Variants in CAMK2D observed in about 807,000 individuals in gnomAD.
CAMK2D encodes calcium/calmodulin dependent protein kinase II delta.
In CAMK2D, 37 loss-of-function variants were observed where a neutral mutation model predicts 84.0. That is an observed-to-expected ratio of 0.44 (90% CI 0.34 to 0.58). The LOEUF (loss-of-function observed/expected upper bound fraction) is 0.58, where lower values mean the gene tolerates loss of function less well. CAMK2D is among the 20% of genes least tolerant of loss of function. The probability of loss-of-function intolerance (pLI) is 0.02; values close to 1 mark genes in which losing one functional copy is unlikely to be tolerated. For synonymous variants in CAMK2D, 202 were observed against 212.5 expected (o/e 0.95, Z 0.43); for missense variants, 448 against 652.5 (o/e 0.69, Z 3.41).
intron 2 of CAMK2D, among the ~76,000 whole-genome samples, chr4:113,741,416 T>C (rs941055880): frequency 1.3e-5 from 2 of 152,186 alleles, no homozygotes; most frequent in African/African-American, 4.8e-5. Flanking sequence ...TTATAATTGT[T>C]CTATTTTATT....
chr4:113,692,657 T>C (rs911838779), intron 2 of CAMK2D, among the ~76,000 whole-genome samples: 13 of 151,992 alleles, frequency 8.6e-5, no homozygotes, highest in Non-Finnish European at 1.2e-4. Context: ...CATATATACA[T>C]ACATATATTC....
Position 113,533,069 on chromosome 4 carries a change from C to T in CAMK2D, c.518-1770G>A, listed in dbSNP as rs183588419. 7.8e-4 allele frequency among the ~76,000 whole-genome samples: 118 copies of T among 151,848 alleles called. 1 individual carries two copies. The highest frequency in any genetic ancestry group is 2.8e-3 in the African/African-American group (114 of 41,422). ...AACTTAGAATACATGGCCAGAAGTA[C>T]GAAATGTTAACAATACCTCTCCTAA... is the stretch of plus-strand genomic sequence containing the variant. On this transcript the variant is annotated intron_variant, in intron 7 of 20. Transcript: ENST00000511664.
chr4:113,713,582 GCCAAT>G (rs1032379335), intron 2 of CAMK2D, among the ~76,000 whole-genome samples: 2 of 149,442 alleles, frequency 1.3e-5, no homozygotes, highest in African/African-American at 4.9e-5. Flanking sequence ...GCCAGTAGCT[GCCAAT>G]CTAATGGATG....
Position 113,664,059 on chromosome 4 carries a change from G to A in CAMK2D, c.161-2287C>T, listed in dbSNP as rs150598314. On this transcript the variant is annotated intron_variant, in intron 2 of 20. Transcript: ENST00000511664. Reference sequence around the variant, plus strand: ...CTGACACACACAGAAGGAAGATCACGTGAAGAGACGAGGATAAGACAGGCA... The same window carrying A: ...CTGACACACACAGAAGGAAGATCACATGAAGAGACGAGGATAAGACAGGCA... 1.1e-3 allele frequency among the ~76,000 whole-genome samples: 166 copies of A among 152,284 alleles called. 2 individuals are homozygous for A. Among genetic ancestry groups the A allele is most frequent in the African/African-American group, 3.8e-3 (157 of 41,562 alleles).
chr4:113,734,932 A>G (rs2099577439), intron 2 of CAMK2D, among the ~76,000 whole-genome samples: 1 of 151,708 alleles, frequency 6.6e-6, no homozygotes, highest in African/African-American at 2.4e-5. Flanking sequence ...ATCAACCCAA[A>G]TGATCTAAAA....
intron 2 of CAMK2D, among the ~76,000 whole-genome samples, chr4:113,691,439 T>C (rs1189084810): frequency 6.6e-6 from 1 of 152,210 alleles, no homozygotes; most frequent in Non-Finnish European, 1.5e-5. Flanking sequence ...ATCATTCTAC[T>C]GATATATCTA....
At chr4:113,533,999 C>T (rs191559018) in intron 7 of CAMK2D, among the ~76,000 whole-genome samples, 44 of 151,666 alleles carry the variant, frequency 2.9e-4, no homozygotes, top group East Asian at 1.2e-3. Flanking sequence ...TAATGGACCT[C>T]GTATATTTAT....
intron 3 of CAMK2D, among the ~76,000 whole-genome samples, chr4:113,626,938 A>T (rs141032456): frequency 1.3e-5 from 2 of 152,320 alleles, no homozygotes; most frequent in Non-Finnish European, 2.9e-5. Flanking sequence ...GGGAATTCAG[A>T]CACAAATTCA....
intron 2 of CAMK2D, chr4:113,677,698 G>T (rs1456092976): frequency 1.2e-5 from 2 of 167,074 alleles, no homozygotes; most frequent in East Asian, 3.8e-4. Flanking sequence ...TGACAAAAAT[G>T]GGATTATTTA....
At chr4:113,506,839 T>C (rs2098133568) in intron 13 of CAMK2D, among the ~76,000 whole-genome samples, 1 of 152,124 alleles carries the variant, frequency 6.6e-6, no homozygotes, top group African/African-American at 2.4e-5. Flanking sequence ...TTAGTGAAAA[T>C]GTCCCACTTG....
rs146893608 is a variant in CAMK2D, at chr4:113,480,477, T to A, written c.1136-14873A>T. 3.7e-3 allele frequency among the ~76,000 whole-genome samples: 556 copies of A among 152,222 alleles called. 4 individuals carry two copies. The highest frequency in any genetic ancestry group is 0.013 in the African/African-American group (536 of 41,538). ...CTACAAAGTCCATGTTGCACCTTAATACCAAACATTGATGGTATTAACAGG... is the reference window on the plus strand; with the variant it reads ...CTACAAAGTCCATGTTGCACCTTAAAACCAAACATTGATGGTATTAACAGG... On this transcript the variant is annotated intron_variant, in intron 16 of 20. Coordinates refer to ENST00000511664, the MANE Select transcript of CAMK2D (RefSeq NM_001321571.2).
At chr4:113,456,063 A>C (rs2097299679) in intron 19 of CAMK2D, among the ~76,000 whole-genome samples, 3 of 152,080 alleles carry the variant, frequency 2.0e-5, no homozygotes, top group Non-Finnish European at 2.9e-5. Flanking sequence ...TTACATAGCT[A>C]TGGTTTTGGG....
chr4:113,761,218 C>G lies in CAMK2D; in HGVS notation c.-150G>C. 1.4e-6 allele frequency: 2 copies of G among 1,467,904 alleles called. No homozygotes were observed. The highest frequency in any genetic ancestry group is 1.4e-5 in the African/African-American group (1 of 71,434). The allele number at this position is 1,467,904 out of a possible 1,614,324, so 90.9% of individuals were successfully genotyped here. ...AGTAGCTCGCCCGCGAGGGAGTGTG[C>G]GCAGGGGCGGGGCGGGAGGGGAGAT... On this transcript the variant is annotated 5_prime_UTR_variant, in exon 1 of 21. Transcript: ENST00000511664.
chr4:113,663,319 C>A (rs1451486569), intron 2 of CAMK2D, among the ~76,000 whole-genome samples: 1 of 152,144 alleles, frequency 6.6e-6, no homozygotes, highest in East Asian at 1.9e-4. Flanking sequence ...GGCACAGTAG[C>A]TCACCCCTGT....
At chr4:113,688,233 C>T (rs2099365700) in intron 2 of CAMK2D, among the ~76,000 whole-genome samples, 1 of 152,140 alleles carries the variant, frequency 6.6e-6, no homozygotes, top group African/African-American at 2.4e-5. Flanking sequence ...ATCTGCCAAA[C>T]GTGTGTCCCT....
At chr4:113,597,093 C>G (rs2098930680) in intron 4 of CAMK2D, among the ~76,000 whole-genome samples, 1 of 152,128 alleles carries the variant, frequency 6.6e-6, no homozygotes, top group Admixed American at 6.5e-5. Flanking sequence ...GCTGGGATTA[C>G]AGGCATGAGC....
chr4:113,456,931 C>T (rs956931189), intron 19 of CAMK2D: 3 of 170,512 alleles, frequency 1.8e-5, no homozygotes, highest in African/African-American at 7.2e-5. Context: ...AGGGGATCAT[C>T]TATGAAATGA....
intron 2 of CAMK2D, among the ~76,000 whole-genome samples, chr4:113,708,898 T>C (rs530973494): frequency 7.8e-4 from 118 of 152,224 alleles, no homozygotes; most frequent in South Asian, 4.2e-3. Flanking sequence ...GTTTTTGTAT[T>C]TTTAGTAGAG....
intron 16 of CAMK2D, among the ~76,000 whole-genome samples, chr4:113,497,115 G>GT (rs5861137): frequency 2.4e-3 from 352 of 144,866 alleles, no homozygotes; most frequent in East Asian, 8.2e-3. Context: ...GTTTCACTGA[G>GT]TTTTTTTTTT....
Sources: gnomAD v4.1 joint callset for allele counts (sites outside exome capture counted in the v4.1 genomes callset) on GRCh38, gnomAD v4.1.1 for gene constraint, MANE v1.5 for transcripts, NCBI Gene and HGNC (gene_info 2026-07-23, HGNC 2026-07-21) for gene names.